The following KSR2 variants were observed in gnomAD, a reference collection of about 807,000 sequenced individuals.
KSR2 encodes the protein kinase suppressor of ras 2.
In KSR2, 25 loss-of-function variants were observed where a neutral mutation model predicts 107.8. The observed-to-expected ratio is 0.23, with a 90% CI of 0.17 to 0.32. The LOEUF is 0.32. Ranked by LOEUF, KSR2 falls within the 10% of genes least tolerant of loss-of-function variation. The pLI is 1.00. For missense variants in KSR2, 887 were observed against 1,268.9 expected (o/e 0.70, Z 4.57); for synonymous variants, 480 against 507.0 (o/e 0.95, Z 0.71).
At chr12:117,701,818 C>T (rs889700277) in intron 4 of KSR2, among the ~76,000 whole-genome samples, 4 of 152,142 alleles carry the variant, frequency 2.6e-5, no homozygotes, top group African/African-American at 4.8e-5. Flanking sequence ...TCTGGAGCAA[C>T]GGAGGCTGCA....
At chr12:117,484,239 C>T (rs573017387) in intron 16 of KSR2, among the ~76,000 whole-genome samples, 177 bp downstream of exon 16, 1 of 152,192 alleles carries the variant, frequency 6.6e-6, no homozygotes, top group Non-Finnish European at 1.5e-5. Context: ...GCTGGCCCCC[C>T]CAGGGGGAAA....
chr12:117,719,518 AT>A (rs1487181173), intron 4 of KSR2, among the ~76,000 whole-genome samples: 1 of 152,150 alleles, frequency 6.6e-6, no homozygotes, highest in Non-Finnish European at 1.5e-5. Flanking sequence ...CTTGCATTCA[AT>A]GTGGCAACAG....
chr12:117,473,397 T>C (rs1188532953), intron 17 of KSR2, among the ~76,000 whole-genome samples: 1 of 152,192 alleles, frequency 6.6e-6, no homozygotes, highest in Non-Finnish European at 1.5e-5. Context: ...TGTGTGTCTT[T>C]CCCAAGATAA....
At chr12:117,561,019 C>T (rs1878080435) in intron 7 of KSR2, among the ~76,000 whole-genome samples, 2 of 152,170 alleles carry the variant, frequency 1.3e-5, no homozygotes, top group African/African-American at 2.4e-5. Context: ...TATAGCAATG[C>T]ATAACAGACT....
chr12:117,767,635 A>G (rs2136898511), intron 3 of KSR2, among the ~76,000 whole-genome samples: 1 of 145,612 alleles, frequency 6.9e-6, no homozygotes, highest in Middle Eastern at 3.8e-3. Flanking sequence ...AAATACTAAA[A>G]TTAGCCAGCT....
intron 3 of KSR2, among the ~76,000 whole-genome samples, chr12:117,805,613 G>C (rs1268323066): frequency 1.3e-5 from 2 of 152,174 alleles, no homozygotes; most frequent in East Asian, 1.9e-4. Flanking sequence ...GTGAGGATTT[G>C]CTCATATTTT....
intron 6 of KSR2, among the ~76,000 whole-genome samples, chr12:117,580,612 C>G (rs1415319601): frequency 1.3e-5 from 2 of 152,240 alleles, no homozygotes; most frequent in Admixed American, 1.3e-4. Flanking sequence ...GTTCTCTCTA[C>G]CTCCTGGCAT....
rs866986609 is a variant in KSR2 at position 117,700,966 on chromosome 12, T to C, written c.987-33308A>G. On this transcript the variant is annotated intron_variant, in intron 4 of 19. Coordinates refer to ENST00000339824, the MANE Select transcript of KSR2 (RefSeq NM_173598.6). Reference sequence around the variant, plus strand: ...TACCCCTCTCCATCACCCCAGGAGATAAGCCACCATTATCTCTTGCTAGAT... The same window carrying C: ...TACCCCTCTCCATCACCCCAGGAGACAAGCCACCATTATCTCTTGCTAGAT... 3.9e-5 allele frequency among the ~76,000 whole-genome samples: 6 copies of C among 152,314 alleles called. 1 individual carries two copies. The highest frequency in any genetic ancestry group is 1.2e-4 in the African/African-American group (5 of 41,564).
chr12:117,708,893 C>A lies in KSR2; in HGVS notation c.987-41235G>T, dbSNP rs549557716. ...GGCTTAAAACCACACATATTTATGA[C>A]CTTATAGTTCTAGAAGTTAGAAGCC... On this transcript the variant is annotated intron_variant, in intron 4 of 19. Coordinates refer to ENST00000339824, the MANE Select transcript of KSR2 (RefSeq NM_173598.6). 1.7e-4 allele frequency among the ~76,000 whole-genome samples: 26 copies of A among 152,282 alleles called. No individual in the cohort carries two copies. The South Asian group carries it at 5.4e-3, about 32-fold the overall frequency.
In KSR2 at chr12:117,880,498, T is replaced by C. The variant is rs528025434; in HGVS notation, c.181-20067A>G. ...AGAGAAAATTTAACTCTTTCTATTATATTCAGAATTGTCCTAATGGAAAAT... is the reference window on the plus strand; with the variant it reads ...AGAGAAAATTTAACTCTTTCTATTACATTCAGAATTGTCCTAATGGAAAAT... On this transcript the variant is annotated intron_variant, in intron 1 of 19. Transcript: ENST00000339824. Among the ~76,000 whole-genome samples the C allele has an allele frequency of 2.3e-4, 35 of 152,126 alleles. 1 individual carries two copies. The South Asian group carries it at 5.6e-3, about 24-fold the overall frequency.
intron 5 of KSR2, among the ~76,000 whole-genome samples, chr12:117,655,767 C>T (rs75058848): frequency 0.031 from 4,759 of 152,284 alleles, 247 homozygotes; most frequent in African/African-American, 0.11. Context: ...AAGGGAGTTA[C>T]AATGCTGGCT....
At position 117,875,157 on chromosome 12, in the gene KSR2, A is replaced by C. The variant is rs369904174; in HGVS notation, c.181-14726T>G. Among the ~76,000 whole-genome samples, 17 of 152,270 alleles carry C rather than the reference A, an allele frequency of 1.1e-4. 1 individual carries two copies. The East Asian group carries it at 1.9e-3, about 17-fold the overall frequency. On this transcript the variant is annotated intron_variant, in intron 1 of 19. Transcript: ENST00000339824. ...TTAGCAGCATAAACAACAACAACAA[A>C]AAAAATCAAAAAGTCAAGACATGTG...
chr12:117,739,312 G>C (rs1593186792), intron 4 of KSR2, among the ~76,000 whole-genome samples: 1 of 152,128 alleles, frequency 6.6e-6, no homozygotes, highest in African/African-American at 2.4e-5. Context: ...CCGAGAGCGC[G>C]CCACTGCACT....
At chr12:117,881,077 G>C (rs1215438472) in intron 1 of KSR2, among the ~76,000 whole-genome samples, 2 of 152,050 alleles carry the variant, frequency 1.3e-5, no homozygotes, top group Non-Finnish European at 1.5e-5. Flanking sequence ...TATCTCAAGG[G>C]CCGGGGCCTT....
chr12:117,931,174 T>G (rs1326276325), intron 1 of KSR2, among the ~76,000 whole-genome samples: 1 of 152,058 alleles, frequency 6.6e-6, no homozygotes, highest in Non-Finnish European at 1.5e-5. Flanking sequence ...ACACCAAGCT[T>G]GAAAAATATT....
intron 9 of KSR2, among the ~76,000 whole-genome samples, chr12:117,544,089 C>G (rs139005528): frequency 1.1e-3 from 168 of 152,304 alleles, no homozygotes; most frequent in Non-Finnish European, 2.0e-3. Context: ...ATTCACAGGT[C>G]CTGGAGGTTA....
At chr12:117,806,309 C>T (rs763254973) in intron 3 of KSR2, among the ~76,000 whole-genome samples, 31 of 152,142 alleles carry the variant, frequency 2.0e-4, no homozygotes, top group Admixed American at 2.0e-4. Context: ...GGTACCCAGA[C>T]GCCACCCCAG....
chr12:117,949,210 TA>T (rs753401925), intron 1 of KSR2, among the ~76,000 whole-genome samples: 10 of 150,892 alleles, frequency 6.6e-5, no homozygotes, highest in African/African-American at 1.2e-4. Context: ...ATGTAAATCA[TA>T]AAAAAATAAA....
At chr12:117,961,102 TCTC>T (rs1896646609) in intron 1 of KSR2, among the ~76,000 whole-genome samples, 1 of 152,098 alleles carries the variant, frequency 6.6e-6, no homozygotes, top group Admixed American at 6.6e-5. Flanking sequence ...TCCAGCCTAT[TCTC>T]TTCTTCCTGA....
Sources: allele counts gnomAD v4.1 joint callset (sites outside exome capture counted in the v4.1 genomes callset), GRCh38; gene constraint gnomAD v4.1.1; transcripts MANE v1.5; gene names NCBI Gene and HGNC (gene_info 2026-07-23, HGNC 2026-07-21).